The following FER1L6 variants were observed in gnomAD, a reference collection of about 807,000 sequenced individuals.
The protein encoded by FER1L6 is fer-1-like protein 6.
In FER1L6, 177 loss-of-function variants were observed where a neutral mutation model predicts 219.2. The observed-to-expected ratio is 0.81, with a 90% CI of 0.71 to 0.91. FER1L6 has a LOEUF of 0.91. Ranked by LOEUF, FER1L6 falls within the 40% of genes least tolerant of loss-of-function variation. FER1L6 has a pLI of 0.00. For missense variants in FER1L6, 2,153 were observed against 2,259.9 expected (o/e 0.95, Z 0.96); for synonymous variants, 768 against 824.3 (o/e 0.93, Z 1.17).
In FER1L6 at chr8:124,049,598, C is replaced by A. The variant is rs936179438; in HGVS notation, c.2725-9C>A. On this transcript the variant is annotated splice_polypyrimidine_tract_variant and intron_variant, in intron 21 of 40. Coordinates refer to ENST00000522917, the MANE Select transcript of FER1L6 (RefSeq NM_001039112.2). Reference sequence around the variant, plus strand: ...CAGGAAATACAAACTCATTTCTTTTCTTCTTTAGGGGAAGCCAGAATATTT... The same window carrying A: ...CAGGAAATACAAACTCATTTCTTTTATTCTTTAGGGGAAGCCAGAATATTT... 1.2e-6 allele frequency: 2 copies of A among 1,613,480 alleles called. No individual in the cohort carries two copies. The highest frequency in any genetic ancestry group is 2.2e-5 in the South Asian group (2 of 91,028).
At position 124,013,518 on chromosome 8, in the gene FER1L6, A is replaced by G. The variant is rs750878058; in HGVS notation, c.1909A>G (p.Ile637Val). Reference sequence around the variant, plus strand: ...AATGAAAACAGTGCTCAGTGACTTCATCAGTCGGAGCAGGTACCGGGAGAG... The same window carrying G: ...AATGAAAACAGTGCTCAGTGACTTCGTCAGTCGGAGCAGGTACCGGGAGAG... ...EKMKTVLSDF[I>V]SRSSAFISEA... is the part of the protein sequence containing the mutation. Residue 637 changes from isoleucine (I) to valine (V), a missense_variant, in exon 15 of 41, where the codon ATC (isoleucine) becomes GTC (valine). Physicochemically the swap from Ile to Val is conservative, Grantham distance 29. Transcript: ENST00000522917. 1 of 1,606,358 alleles carries G rather than the reference A, an allele frequency of 6.2e-7. No homozygotes were observed.
At chr8:124,070,901 A>G (rs1011135638) in intron 30 of FER1L6, among the ~76,000 whole-genome samples, 1 of 152,202 alleles carries the variant, frequency 6.6e-6, no homozygotes, top group African/African-American at 2.4e-5. Context: ...GATTTATGCA[A>G]GCCTACCAGT....
intron 18 of FER1L6, among the ~76,000 whole-genome samples, chr8:124,032,316 T>C (rs930626856): frequency 6.6e-6 from 1 of 152,052 alleles, no homozygotes; most frequent in East Asian, 1.9e-4. Context: ...TCCCAGGTAC[T>C]TGGGAGGCTG....
In FER1L6 at chr8:123,980,781, G is replaced by A; in HGVS notation, c.1380G>A (p.Val460=). Residue 460 remains valine (V), a synonymous_variant, in exon 11 of 41, where the codon GTG becomes GTA. Transcript: ENST00000522917. ...CAAACAAAACTAACTCAACCGAGGTGGAGGTGGAATCGTTCGATGTCCCCC... is the reference window on the plus strand; with the variant it reads ...CAAACAAAACTAACTCAACCGAGGTAGAGGTGGAATCGTTCGATGTCCCCC... ...QASNKTNSTE[V]EVESFDVPPE... is the part of the protein sequence containing the mutation. 2 of 1,614,038 alleles carry A rather than the reference G, an allele frequency of 1.2e-6. No homozygotes were observed. The highest frequency in any genetic ancestry group is 1.1e-5 in the South Asian group (1 of 91,066).
At chr8:124,091,967 T>TAAA (rs10591429) in intron 34 of FER1L6, among the ~76,000 whole-genome samples, 1 of 133,570 alleles carries the variant, frequency 7.5e-6, no homozygotes, top group African/African-American at 2.8e-5. Context: ...ACTCAAGTCT[T>TAAA]AAAAAAAAAA....
chr8:123,986,599 A>G (rs974186940), intron 12 of FER1L6, among the ~76,000 whole-genome samples: 5 of 152,134 alleles, frequency 3.3e-5, no homozygotes, highest in Admixed American at 2.6e-4. Flanking sequence ...ATCAAATACT[A>G]GATCTTATTC....
rs527589835 is a variant in FER1L6 at position 124,017,855 on chromosome 8, A to C, written c.2013+137A>C. On this transcript the variant is annotated intron_variant, in intron 16 of 40. Transcript: ENST00000522917. ...GATGCAGAGACAAGAGTGAAAAGGG[A>C]CTATTTGTTAAGTTGGAAAGAAATG... is the stretch of plus-strand genomic sequence containing the variant. The C allele has an allele frequency of 7.3e-5, 44 of 603,948 alleles. No homozygotes were observed. In the South Asian group the frequency reaches 1.1e-3, roughly 15 times the overall value. 37.4% of individuals were successfully genotyped at this position (603,948 alleles called of 1,614,324 possible). A position where few individuals can be genotyped will look rare whatever the true frequency, so the allele number is the denominator to read the frequency against.
intron 12 of FER1L6, among the ~76,000 whole-genome samples, chr8:123,996,328 G>A (rs1027897796): frequency 8.0e-4 from 122 of 152,092 alleles, no homozygotes; most frequent in African/African-American, 2.8e-3. Context: ...TATAAATCTG[G>A]GTGCTTCAGC....
chr8:124,016,652 T>C (rs1452057104), intron 15 of FER1L6, among the ~76,000 whole-genome samples: 1 of 152,182 alleles, frequency 6.6e-6, no homozygotes, highest in East Asian at 1.9e-4. Flanking sequence ...GCTCAGCAGG[T>C]TGCCTTTTCA....
intron 1 of FER1L6, among the ~76,000 whole-genome samples, chr8:123,951,943 C>A (rs866269760): frequency 3.9e-5 from 6 of 152,136 alleles, no homozygotes; most frequent in Non-Finnish European, 7.4e-5. Context: ...GCCTGAGCTG[C>A]CTCCATTCTG....
intron 19 of FER1L6, among the ~76,000 whole-genome samples, chr8:124,039,198 G>C (rs1188079132): frequency 6.6e-6 from 1 of 152,182 alleles, no homozygotes; most frequent in African/African-American, 2.4e-5. Context: ...CTTATCTTCT[G>C]CCTTCTCCCA....
chr8:124,038,589 T>A (rs1457477943), intron 19 of FER1L6, among the ~76,000 whole-genome samples: 1 of 152,182 alleles, frequency 6.6e-6, no homozygotes, highest in Non-Finnish European at 1.5e-5. Flanking sequence ...TTAGAGTTCT[T>A]CCTATGGGCC....
In FER1L6 at chr8:123,924,233, CAAAAAAAAAA is replaced by C. The variant is rs71289625; in HGVS notation, c.-7-31745_-7-31736del. On this transcript the variant is annotated intron_variant, in intron 1 of 40. Coordinates refer to ENST00000522917, the MANE Select transcript of FER1L6 (RefSeq NM_001039112.2). ...TTGGGTGACAGAGGAGACTCAGTAT[CAAAAAAAAAA>C]AAAAAAAAAAAAAGTATATGGCTGG... Among the ~76,000 whole-genome samples the C allele has an allele frequency of 1.2e-4, 8 of 66,964 alleles. 1 individual carries two copies. The highest frequency in any genetic ancestry group is 3.4e-4 in the African/African-American group (7 of 20,524). 43.9% of individuals were successfully genotyped at this position (66,964 alleles called of 152,430 possible).
chr8:124,104,228 C>A (rs999027585), intron 39 of FER1L6, among the ~76,000 whole-genome samples: 1 of 152,202 alleles, frequency 6.6e-6, no homozygotes, highest in South Asian at 2.1e-4. Context: ...CATTCCCCCT[C>A]AAGTAGTTAA....
rs564811384 is a variant in FER1L6, at chr8:123,903,306, G to C, written c.-8+51121G>C. Among the ~76,000 whole-genome samples the C allele has an allele frequency of 5.9e-5, 9 of 152,306 alleles. No individual in the cohort carries two copies. In the South Asian group the frequency reaches 1.2e-3, roughly 21 times the overall value. ...TATTTACAACATTCTGTTTTTAGTA[G>C]TGGTATTTCCATTTACAAAATATAG... On this transcript the variant is annotated intron_variant, in intron 1 of 40. Transcript: ENST00000522917.
At chr8:123,864,599 G>A (rs200306307) in intron 1 of FER1L6, among the ~76,000 whole-genome samples, 34 of 149,334 alleles carry the variant, frequency 2.3e-4, no homozygotes, top group Middle Eastern at 6.8e-3. Flanking sequence ...TCCATTCTCC[G>A]CATCACTTTC....
intron 24 of FER1L6, 174 bp downstream of exon 24, chr8:124,060,883 C>T: frequency 1.4e-6 from 1 of 724,304 alleles, no homozygotes; most frequent in Non-Finnish European, 2.1e-6. Context: ...TGAAACGTTT[C>T]CAGTGTGGAT....
intron 21 of FER1L6, chr8:124,046,646 A>G (rs1819751971): frequency 6.6e-6 from 1 of 152,152 alleles, no homozygotes; most frequent in African/African-American, 2.4e-5. Context: ...AGCCTGCCTA[A>G]AGCTTCCCCA....
chr8:124,093,071 G>A (rs543435559), intron 34 of FER1L6, among the ~76,000 whole-genome samples: 4 of 152,112 alleles, frequency 2.6e-5, no homozygotes, highest in South Asian at 2.1e-4. Flanking sequence ...TGATCTGCCC[G>A]CCTTGGCCTT....
Sources: allele counts gnomAD v4.1 joint callset (sites outside exome capture counted in the v4.1 genomes callset), GRCh38; gene constraint gnomAD v4.1.1; transcripts MANE v1.5; gene names NCBI Gene and HGNC (gene_info 2026-07-23, HGNC 2026-07-21).